Variants in PACRG observed in about 807,000 individuals in gnomAD.
The protein encoded by PACRG is parkin coregulated gene protein.
In PACRG, 29 loss-of-function variants were observed where a neutral mutation model predicts 29.7. The ratio of observed to expected loss-of-function variants is 0.98; its 90% CI spans 0.73 to 1.33. The LOEUF is 1.33. Among genes scored for constraint, PACRG ranks in the 40% most tolerant of loss-of-function variants. The pLI is 0.00. For missense variants in PACRG, 279 were observed against 316.2 expected, an observed-to-expected ratio of 0.88 and a Z score of 0.89; for synonymous variants, 116 against 118.7, an observed-to-expected ratio of 0.98 and a Z score of 0.15.
At chr6:163,166,165 G>C (rs899383725) in intron 4 of PACRG, 3 of 456,124 alleles carry the variant, frequency 6.6e-6, no homozygotes, top group African/African-American at 6.0e-5. Context: ...CATGTGAAAG[G>C]GTTTTGTGCT....
intron 4 of PACRG, among the ~76,000 whole-genome samples, chr6:163,185,671 C>A (rs1416499879): frequency 6.6e-6 from 1 of 152,152 alleles, no homozygotes; most frequent in Non-Finnish European, 1.5e-5. Flanking sequence ...TAATCCCACA[C>A]AAAATGCAAG....
chr6:162,990,007 C>T (rs1803295233), intron 2 of PACRG, among the ~76,000 whole-genome samples: 2 of 150,070 alleles, frequency 1.3e-5, no homozygotes, highest in South Asian at 2.1e-4. Context: ...TTTGTTCTTG[C>T]GATAGTTTAC....
chr6:163,131,200 C>G (rs926191346), intron 4 of PACRG, among the ~76,000 whole-genome samples: 3 of 151,196 alleles, frequency 2.0e-5, no homozygotes, highest in Non-Finnish European at 4.4e-5. Flanking sequence ...CCCAGCTACT[C>G]GGGAGGCTGA....
chr6:163,059,379 G>A lies in PACRG; in HGVS notation c.292-2771G>A, dbSNP rs77440059. On this transcript the variant is annotated intron_variant, in intron 2 of 4. Transcript: ENST00000366888. The stretch of plus-strand genomic sequence containing the variant: ...AAAGAAAAGTGGGAAAAACAAATCT[G>A]TAAGTTACTTCAGAGAGACACTTAA... Among the ~76,000 whole-genome samples the A allele has an allele frequency of 4.4e-4, 67 of 152,296 alleles. 2 individuals are homozygous for A. The East Asian group carries it at 0.013, about 29-fold the overall frequency.
chr6:162,751,224 T>C (rs1391002249), intron 1 of PACRG, among the ~76,000 whole-genome samples: 1 of 152,152 alleles, frequency 6.6e-6, no homozygotes, highest in Non-Finnish European at 1.5e-5. Context: ...ATTTCTGTTT[T>C]CTGTTATAAT....
At chr6:163,223,738 G>C (rs768829508) in intron 4 of PACRG, among the ~76,000 whole-genome samples, 35 of 152,214 alleles carry the variant, frequency 2.3e-4, no homozygotes, top group Non-Finnish European at 4.0e-4. Flanking sequence ...GTGGGCTTTC[G>C]ACTGGCTGAG....
intron 1 of PACRG, among the ~76,000 whole-genome samples, chr6:162,763,212 G>A (rs1199829035): frequency 6.6e-6 from 1 of 152,156 alleles, no homozygotes; most frequent in Non-Finnish European, 1.5e-5. Flanking sequence ...AAATGATTAT[G>A]GCTTGCAGTA....
intron 4 of PACRG, among the ~76,000 whole-genome samples, chr6:163,296,901 A>C (rs1784797572): frequency 6.6e-6 from 1 of 152,180 alleles, no homozygotes; most frequent in African/African-American, 2.4e-5. Context: ...GGCCATAACT[A>C]CATAAAGGGA....
intron 4 of PACRG, among the ~76,000 whole-genome samples, chr6:163,207,595 C>G (rs1780959747): frequency 6.6e-6 from 1 of 152,174 alleles, no homozygotes; most frequent in East Asian, 1.9e-4. Context: ...TCCCTGTTTC[C>G]TGGCTCATCA....
chr6:163,043,702 C>G (rs1027332594), intron 2 of PACRG, among the ~76,000 whole-genome samples: 1 of 152,184 alleles, frequency 6.6e-6, no homozygotes, highest in Non-Finnish European at 1.5e-5. Context: ...CTTTCCAGAA[C>G]TGGCTGATGA....
At chr6:162,992,427 T>A (rs1478156794) in intron 2 of PACRG, among the ~76,000 whole-genome samples, 1 of 148,356 alleles carries the variant, frequency 6.7e-6, no homozygotes, top group Non-Finnish European at 1.5e-5. Flanking sequence ...CTCCTGTTAT[T>A]GGTCTATTCA....
rs558091732 is a variant in PACRG, at chr6:163,050,041, C to T, written c.292-12109C>T. Among the ~76,000 whole-genome samples the T allele has an allele frequency of 6.6e-5, 10 of 152,120 alleles. No individual in the cohort carries two copies. The South Asian group carries it at 1.9e-3, about 28-fold the overall frequency. On this transcript the variant is annotated intron_variant, in intron 2 of 4. Coordinates refer to ENST00000366888, the MANE Select transcript of PACRG (RefSeq NM_001080379.2). Reference sequence around the variant, plus strand: ...TATAAACTAATTCAGAACTGAAGGACATTTTCCCTTTTATGATAATCTCTT... The same window carrying T: ...TATAAACTAATTCAGAACTGAAGGATATTTTCCCTTTTATGATAATCTCTT...
chr6:163,244,109 A>G (rs891105499), intron 4 of PACRG, among the ~76,000 whole-genome samples: 1 of 152,238 alleles, frequency 6.6e-6, no homozygotes, highest in African/African-American at 2.4e-5. Flanking sequence ...TTTCAGTGCC[A>G]TGTGTGATTG....
intron 4 of PACRG, among the ~76,000 whole-genome samples, chr6:163,281,941 T>C (rs536054822): frequency 1.3e-5 from 2 of 152,300 alleles, no homozygotes; most frequent in African/African-American, 4.8e-5. Context: ...CAGATGAGTA[T>C]CATGTGCACA....
intron 2 of PACRG, among the ~76,000 whole-genome samples, chr6:162,899,689 A>C (rs926302360): frequency 1.3e-5 from 2 of 152,142 alleles, no homozygotes; most frequent in Non-Finnish European, 2.9e-5. Flanking sequence ...TGCAGATGAA[A>C]TGTAATGAGG....
intron 2 of PACRG, among the ~76,000 whole-genome samples, chr6:162,926,690 A>G (rs1201833323): frequency 6.6e-6 from 1 of 152,170 alleles, no homozygotes; most frequent in Non-Finnish European, 1.5e-5. Context: ...AAAACCCAAA[A>G]CCACAGAAAC....
intron 4 of PACRG, among the ~76,000 whole-genome samples, chr6:163,283,555 C>A (rs1299957568): frequency 6.6e-6 from 1 of 151,594 alleles, no homozygotes; most frequent in Non-Finnish European, 1.5e-5. Flanking sequence ...AATCCCAGCA[C>A]TTTGGGAGGC....
intron 4 of PACRG, among the ~76,000 whole-genome samples, chr6:163,095,761 C>T (rs1449026596): frequency 6.6e-6 from 1 of 152,148 alleles, no homozygotes; most frequent in Non-Finnish European, 1.5e-5. Flanking sequence ...ATTAAGGGCC[C>T]ACCCTACTCC....
intron 3 of PACRG, among the ~76,000 whole-genome samples, chr6:163,081,664 C>T (rs1187946009): frequency 6.6e-6 from 1 of 152,026 alleles, no homozygotes; most frequent in Non-Finnish European, 1.5e-5. Context: ...GCTGAGGTGA[C>T]AGGATCACTT....
Sources: allele counts gnomAD v4.1 joint callset (sites outside exome capture counted in the v4.1 genomes callset), GRCh38; gene constraint gnomAD v4.1.1; transcripts MANE v1.5; gene names NCBI Gene and HGNC (gene_info 2026-07-23, HGNC 2026-07-21).